The following PTER variants were observed in gnomAD, a reference collection of about 807,000 sequenced individuals.
PTER encodes phosphotriesterase related.
PTER carries 38 observed loss-of-function variants against 29.6 expected under a neutral mutation model. The observed-to-expected ratio is 1.28, with a 90% CI of 0.99 to 1.68. The LOEUF (loss-of-function observed/expected upper bound fraction) is 1.68. Among genes scored for constraint, PTER ranks in the 40% most tolerant of loss-of-function variants. PTER has a pLI of 0.00. For missense variants in PTER, 482 were observed against 427.8 expected (o/e 1.13, Z -1.12); for synonymous variants, 172 against 154.5 (o/e 1.11, Z -0.84).
chr10:16,504,330 T>G (rs1037218088), intron 3 of PTER, among the ~76,000 whole-genome samples: 4 of 152,308 alleles, frequency 2.6e-5, no homozygotes, highest in African/African-American at 9.6e-5. Flanking sequence ...TCTTACATCC[T>G]AAAATAGTTA....
chr10:16,514,077 C>T (rs2133534983), downstream of PTER: 2 of 373,070 alleles, frequency 5.4e-6, no homozygotes, highest in Middle Eastern at 6.9e-4. Flanking sequence ...AGACCTTCTC[C>T]TGCAGGGCAA....
chr10:16,517,451 T>C (rs1399584189), downstream of PTER, among the ~76,000 whole-genome samples: 2 of 152,168 alleles, frequency 1.3e-5, no homozygotes, highest in Admixed American at 6.5e-5. Context: ...ACAGTATTAG[T>C]TTTCATTCGA....
At chr10:16,464,168 A>G (rs887429675) in intron 1 of PTER, among the ~76,000 whole-genome samples, 1 of 152,192 alleles carries the variant, frequency 6.6e-6, no homozygotes, top group African/African-American at 2.4e-5. Context: ...AACCAGCAAT[A>G]TAGAAAGCTG....
At position 16,483,799 on chromosome 10, in the gene PTER, C is replaced by G. The variant is rs779357346; in HGVS notation, c.-48-538C>G. On this transcript the variant is annotated intron_variant, in intron 1 of 4. Transcript: ENST00000535784. ...AGGCGGAGGCGGAAGTTGCAGTGAGCTGAGATCGTACCACTGCACTCTAAC... is the reference window on the plus strand; with the variant it reads ...AGGCGGAGGCGGAAGTTGCAGTGAGGTGAGATCGTACCACTGCACTCTAAC... Among the ~76,000 whole-genome samples, 80 of 152,044 alleles carry G rather than the reference C, an allele frequency of 5.3e-4. 1 individual carries two copies. Among genetic ancestry groups the G allele is most frequent in the Non-Finnish European group, 1.9e-4 (13 of 68,004 alleles).
rs1036947903 is a variant in PTER at position 16,513,674 on chromosome 10, T to C, written c.*2418T>C. 4 of 152,586 alleles carry C rather than the reference T, an allele frequency of 2.6e-5. No individual in the cohort carries two copies. Among genetic ancestry groups the C allele is most frequent in the Non-Finnish European group, 5.9e-5 (4 of 68,000 alleles). The allele number at this position is 152,586 out of a possible 1,614,324, so 9.5% of individuals were successfully genotyped here. The stretch of plus-strand genomic sequence containing the variant: ...GTGCATTGGGTTATGAATAATCTTT[T>C]CTTCCAAAGATGGCAAAAGCCTCGG... On this transcript the variant is annotated 3_prime_UTR_variant, in exon 5 of 5. Coordinates refer to ENST00000535784, the MANE Select transcript of PTER (RefSeq NM_001261836.2).
At chr10:16,491,899 A>G (rs922449813) in intron 3 of PTER, among the ~76,000 whole-genome samples, 1 of 152,184 alleles carries the variant, frequency 6.6e-6, no homozygotes. Flanking sequence ...ATATTTTTGA[A>G]GATATACAAT....
rs548459855 is a variant in PTER, at chr10:16,470,377, C to G, written c.-48-13960C>G. Among the ~76,000 whole-genome samples the G allele has an allele frequency of 2.6e-5, 4 of 152,350 alleles. No homozygotes were observed. In the South Asian group the frequency reaches 8.3e-4, roughly 32 times the overall value. On this transcript the variant is annotated intron_variant, in intron 1 of 4. Transcript: ENST00000535784. ...TATCTCCCATAGACCTTACCTGCCT[C>G]GAATAACATCTTACACTTATTAACT...
rs1836849506 is a variant in PTER at position 16,512,399 on chromosome 10, A to G, written c.*1143A>G. 6.6e-6 allele frequency: 1 copy of G among 152,186 alleles called. No individual in the cohort carries two copies. The highest frequency in any genetic ancestry group is 1.5e-5 in the Non-Finnish European group (1 of 68,020). The allele number at this position is 152,186 out of a possible 1,614,324, so 9.4% of individuals were successfully genotyped here. A position where few individuals can be genotyped will look rare whatever the true frequency, so the allele number is the denominator to read the frequency against. ...CTGCCAGTTCCTCTTTGATAAATATATAGTTAATTCGAAATAAAATCCATT... is the reference window on the plus strand; with the variant it reads ...CTGCCAGTTCCTCTTTGATAAATATGTAGTTAATTCGAAATAAAATCCATT... On this transcript the variant is annotated 3_prime_UTR_variant, in exon 5 of 5. Coordinates refer to ENST00000535784, the MANE Select transcript of PTER (RefSeq NM_001261836.2).
chr10:16,511,428 C>G lies in PTER; in HGVS notation c.*172C>G. On this transcript the variant is annotated 3_prime_UTR_variant, in exon 5 of 5. Coordinates refer to ENST00000535784, the MANE Select transcript of PTER (RefSeq NM_001261836.2). ...CTGAGACCAGCTATTACAACTGTGC[C>G]TCTAGGGAGTTACTCAGCCTAATTG... is the stretch of plus-strand genomic sequence containing the variant. 1.6e-6 allele frequency: 1 copy of G among 623,850 alleles called. No individual in the cohort carries two copies. The highest frequency in any genetic ancestry group is 2.8e-6 in the Non-Finnish European group (1 of 356,012). The allele number at this position is 623,850 out of a possible 1,614,324, so 38.6% of individuals were successfully genotyped here.
At chr10:16,475,923 C>T (rs1466277687) in intron 1 of PTER, 1 of 152,124 alleles carries the variant, frequency 6.6e-6, no homozygotes, top group Non-Finnish European at 1.5e-5. Flanking sequence ...TTTGAAAGAA[C>T]AAGTTTATGC....
chr10:16,486,754 T>C (rs1023649071), intron 3 of PTER, 137 bp downstream of exon 3: 3 of 1,040,244 alleles, frequency 2.9e-6, no homozygotes, highest in African/African-American at 3.2e-5. Context: ...GTAGTATTTA[T>C]AAAGTTTCAC....
intron 1 of PTER, among the ~76,000 whole-genome samples, chr10:16,465,386 T>C (rs901269947): frequency 6.6e-6 from 1 of 152,174 alleles, no homozygotes; most frequent in Non-Finnish European, 1.5e-5. Flanking sequence ...TAAATTGAAA[T>C]GTATGCAGGT....
chr10:16,480,212 TAG>T (rs1197333161), intron 1 of PTER, among the ~76,000 whole-genome samples: 2 of 141,266 alleles, frequency 1.4e-5, no homozygotes, highest in Non-Finnish European at 3.1e-5. Context: ...TTTTTTGAGA[TAG>T]AGTCTCGCTC....
chr10:16,486,065 T>G (rs1835683733), intron 2 of PTER, among the ~76,000 whole-genome samples: 1 of 152,184 alleles, frequency 6.6e-6, no homozygotes, highest in South Asian at 2.1e-4. Flanking sequence ...TCATCCTGAA[T>G]GTACTCTCAT....
At chr10:16,450,967 C>T (rs1834187391) in intron 1 of PTER, among the ~76,000 whole-genome samples, 1 of 152,190 alleles carries the variant, frequency 6.6e-6, no homozygotes, top group African/African-American at 2.4e-5. Context: ...AAGTAGAGTA[C>T]TTAGCATTTT....
chr10:16,511,253 A>G lies in PTER; in HGVS notation c.1047A>G (p.Lys349=), dbSNP rs1836801024. 6.2e-7 allele frequency: 1 copy of G among 1,612,750 alleles called. No individual in the cohort carries two copies. Among genetic ancestry groups the G allele is most frequent in the Admixed American group, 1.7e-5 (1 of 59,992 alleles). ...ACCCTAAGCAATGGCTAACTTTCAAATAGGATGGTTGCTTATGAATTCACA... is the reference window on the plus strand; with the variant it reads ...ACCCTAAGCAATGGCTAACTTTCAAGTAGGATGGTTGCTTATGAATTCACA... The part of the protein sequence containing the change: ...IENPKQWLTF[K] Residue 349 remains lysine, a synonymous_variant, in exon 5 of 5, where the codon AAA becomes AAG. Transcript: ENST00000535784.
chr10:16,489,018 C>G (rs1175806650), intron 3 of PTER, among the ~76,000 whole-genome samples: 1 of 152,176 alleles, frequency 6.6e-6, no homozygotes, highest in Non-Finnish European at 1.5e-5. Context: ...CTGTTTCACT[C>G]ACATGTTATT....
chr10:16,457,842 C>T (rs1834469135), intron 1 of PTER, among the ~76,000 whole-genome samples: 1 of 152,102 alleles, frequency 6.6e-6, no homozygotes, highest in Non-Finnish European at 1.5e-5. Flanking sequence ...CTCCCAGCCT[C>T]AGGTGATCTA....
intron 1 of PTER, among the ~76,000 whole-genome samples, chr10:16,464,983 T>C (rs1834755021): frequency 1.3e-5 from 2 of 152,088 alleles, no homozygotes; most frequent in South Asian, 4.1e-4. Flanking sequence ...GAATTCCTCT[T>C]TATAAAACCA....
Sources: allele counts gnomAD v4.1 joint callset (sites outside exome capture counted in the v4.1 genomes callset), GRCh38; gene constraint gnomAD v4.1.1; transcripts MANE v1.5; gene names NCBI Gene and HGNC (gene_info 2026-07-23, HGNC 2026-07-21).